TAF1: variants seen among roughly 807,000 people sequenced by gnomAD.
TAF1 encodes the protein transcription initiation factor TFIID subunit 1.
TAF1 carries 2 observed loss-of-function variants against 138.5 expected under a neutral mutation model. The observed-to-expected ratio is 0.01, with a 90% CI of 0.01 to 0.05. The LOEUF (loss-of-function observed/expected upper bound fraction) is 0.05, where lower values mean the gene tolerates loss of function less well. Among genes scored for constraint, TAF1 ranks in the 10% least tolerant of loss-of-function variants. The pLI, the probability that TAF1 is intolerant of heterozygous loss-of-function variation, is 1.00. For synonymous variants in TAF1, 437 were observed against 503.2 expected (o/e 0.87, Z 1.76); for missense variants, 709 against 1,478.0 (o/e 0.48, Z 8.53).
downstream of TAF1, among the ~76,000 whole-genome samples, chrX:71,468,990 A>G (rs1455739749): frequency 1.8e-5 from 2 of 111,431 alleles, no homozygotes; most frequent in African/African-American, 6.5e-5. Flanking sequence ...CCTATGTCAA[A>G]ACAAAACAAA....
At chrX:71,389,730 G>T in intron 18 of TAF1, 65 bp downstream of exon 18, 1 of 875,156 alleles carries the variant, frequency 1.1e-6, no homozygotes, top group Admixed American at 3.2e-5. Context: ...AAAAGAGACA[G>T]CTTTATTGAG....
intron 32 of TAF1, among the ~76,000 whole-genome samples, chrX:71,449,520 G>A (rs897383616): frequency 8.9e-6 from 1 of 112,720 alleles, no homozygotes; most frequent in Non-Finnish European, 1.9e-5. Flanking sequence ...GAAACTTCAC[G>A]AATGTATAAA....
At chrX:71,528,604 C>T (rs1368598591) in exon 14 of TAF1, 1 of 329,656 alleles carries the variant, frequency 3.0e-6, no homozygotes, top group Non-Finnish European at 5.9e-6. Flanking sequence ...CGACCAGGTC[C>T]TGCTCTACCC....
intron 25 of TAF1, among the ~76,000 whole-genome samples, chrX:71,403,326 G>A (rs1210313749): frequency 9.0e-6 from 1 of 111,698 alleles, no homozygotes; most frequent in African/African-American, 3.3e-5. Context: ...ACTGCACCCA[G>A]CCCCATTTAT....
At chrX:71,509,468 G>A (rs1292589810) in intron 13 of TAF1, among the ~76,000 whole-genome samples, 1 of 111,363 alleles carries the variant, frequency 9.0e-6, no homozygotes, top group Non-Finnish European at 1.9e-5. Flanking sequence ...GTGATGGAGT[G>A]TGTATTTGTC....
At chrX:71,398,436 A>G (rs1314421647) in intron 23 of TAF1, 136 bp from the exon 24 acceptor site, 7 of 813,427 alleles carry the variant, frequency 8.6e-6, no homozygotes, top group Non-Finnish European at 1.2e-5. Context: ...GGAGATGGGA[A>G]TGGCATGTAG....
intron 13 of TAF1, among the ~76,000 whole-genome samples, chrX:71,484,067 A>T (rs1049348304): frequency 3.6e-5 from 4 of 110,161 alleles, no homozygotes; most frequent in Non-Finnish European, 7.6e-5. Flanking sequence ...ATGAGGTCTC[A>T]CTATGTTGCT....
intron 28 of TAF1, among the ~76,000 whole-genome samples, chrX:71,409,092 T>C (rs1368051329): frequency 9.0e-6 from 1 of 111,176 alleles, no homozygotes; most frequent in Non-Finnish European, 1.9e-5. Context: ...CCATATTTGC[T>C]GTGTCTGAAT....
intron 25 of TAF1, among the ~76,000 whole-genome samples, chrX:71,402,861 GTAA>G (rs1015589910): frequency 9.0e-6 from 1 of 110,710 alleles, no homozygotes; most frequent in African/African-American, 3.3e-5. Flanking sequence ...TAACATTAAT[GTAA>G]TAATATATAA....
At chrX:71,494,843 G>T (rs923373896) in intron 13 of TAF1, among the ~76,000 whole-genome samples, 1 of 112,202 alleles carries the variant, frequency 8.9e-6, no homozygotes, top group African/African-American at 3.2e-5. Context: ...GGACCTGAGC[G>T]GGTTACTGCC....
Position 71,394,063 on chromosome X carries a change from T to G in TAF1, c.3228-4T>G. ...TTTCTGCACATTGCTTTTTCTCTTT[T>G]TAGGGTTCTGTCATCAACTGAAGTC... On this transcript the variant is annotated splice_region_variant and splice_polypyrimidine_tract_variant and intron_variant, in intron 21 of 37. Coordinates refer to ENST00000423759, the MANE Select transcript of TAF1 (RefSeq NM_004606.5). The G allele has an allele frequency of 8.3e-7, 1 of 1,199,333 alleles. No homozygotes were observed. Among genetic ancestry groups the G allele is most frequent in the South Asian group, 1.8e-5 (1 of 54,783 alleles).
intron 32 of TAF1, among the ~76,000 whole-genome samples, chrX:71,450,388 A>T (rs1007108728): frequency 9.0e-6 from 1 of 111,549 alleles, no homozygotes; most frequent in Non-Finnish European, 1.9e-5. Flanking sequence ...TTATTAGTAG[A>T]GACGGGGTTT....
At chrX:71,470,075 A>G (rs745804901), downstream of TAF1, among the ~76,000 whole-genome samples, 1 of 111,938 alleles carries the variant, frequency 8.9e-6, no homozygotes, top group East Asian at 2.8e-4. Context: ...TATATACATT[A>G]TATACACACA....
chrX:71,390,373 TGA>T (rs2034486183), intron 18 of TAF1, among the ~76,000 whole-genome samples: 1 of 112,017 alleles, frequency 8.9e-6, no homozygotes, highest in African/African-American at 3.2e-5. Flanking sequence ...TGTCTTCTAC[TGA>T]GATATTTTTT....
At chrX:71,481,648 C>T (rs992998984) in intron 13 of TAF1, among the ~76,000 whole-genome samples, 2 of 111,846 alleles carry the variant, frequency 1.8e-5, no homozygotes. Flanking sequence ...ACCTCCGCCT[C>T]CCAGGTTCAA....
chrX:71,487,474 C>T (rs1427658916), intron 13 of TAF1, among the ~76,000 whole-genome samples: 1 of 108,662 alleles, frequency 9.2e-6, no homozygotes, highest in Non-Finnish European at 1.9e-5. Flanking sequence ...CAGGTGCCCA[C>T]CACCACACCC....
chrX:71,368,434 T>G (rs983949231), intron 3 of TAF1, among the ~76,000 whole-genome samples: 5 of 111,738 alleles, frequency 4.5e-5, no homozygotes, highest in African/African-American at 1.3e-4. Context: ...AGCTTTCTTG[T>G]CACCTGGTAT....
intron 15 of TAF1, 102 bp downstream of exon 15, chrX:71,387,563 C>T: frequency 1.0e-6 from 1 of 964,067 alleles, no homozygotes; most frequent in Non-Finnish European, 1.4e-6. Context: ...CTTTGGGAGG[C>T]CGCGGTGAAT....
intron 13 of TAF1, among the ~76,000 whole-genome samples, chrX:71,476,422 G>A (rs180841192): frequency 9.1e-6 from 1 of 110,419 alleles, no homozygotes; most frequent in East Asian, 2.8e-4. Context: ...GATTGCTTGA[G>A]TCCAGGGGTT....
Sources: allele counts gnomAD v4.1 joint callset (sites outside exome capture counted in the v4.1 genomes callset), GRCh38; gene constraint gnomAD v4.1.1; transcripts MANE v1.5; gene names NCBI Gene and HGNC (gene_info 2026-07-23, HGNC 2026-07-21).